LRRTM4: variants seen among roughly 807,000 people sequenced by gnomAD.
The protein encoded by LRRTM4 is leucine-rich repeat transmembrane neuronal protein 4.
Under a neutral mutation model 47.6 loss-of-function variants are expected in LRRTM4, and 25 were observed. That is an observed-to-expected ratio of 0.53 (90% CI 0.38 to 0.73). The LOEUF (loss-of-function observed/expected upper bound fraction) is 0.73. Ranked by LOEUF, LRRTM4 falls within the 30% of genes least tolerant of loss-of-function variation. The pLI, the probability that LRRTM4 is intolerant of heterozygous loss-of-function variation, is 0.00. For missense variants in LRRTM4, 638 were observed against 713.4 expected, an observed-to-expected ratio of 0.89 and a Z score of 1.20; for synonymous variants, 311 against 269.5, an observed-to-expected ratio of 1.15 and a Z score of -1.51.
Position 76,748,675 on chromosome 2 carries a change from G to A in LRRTM4, c.*20C>T, listed in dbSNP as rs981752955. 5 of 1,336,508 alleles carry A rather than the reference G, an allele frequency of 3.7e-6. No homozygotes were observed. The highest frequency in any genetic ancestry group is 5.3e-6 in the Non-Finnish European group (5 of 942,358). 82.8% of individuals were successfully genotyped at this position (1,336,508 alleles called of 1,614,324 possible). Reference sequence around the variant, plus strand: ...TCCCTCCCCCCCATGGAGCTCCCCAGTGAGGAGTTGGCTTCAGCGTTAGTT... The same window carrying A: ...TCCCTCCCCCCCATGGAGCTCCCCAATGAGGAGTTGGCTTCAGCGTTAGTT... On this transcript the variant is annotated 3_prime_UTR_variant, in exon 4 of 4. Transcript: ENST00000409884.
At chr2:77,147,491 C>CA (rs1342633243) in intron 3 of LRRTM4, among the ~76,000 whole-genome samples, 1 of 152,102 alleles carries the variant, frequency 6.6e-6, no homozygotes, top group South Asian at 2.1e-4. Flanking sequence ...TACATTATGC[C>CA]ATCACGTTTC....
chr2:77,115,544 G>A (rs1223870362), intron 3 of LRRTM4, among the ~76,000 whole-genome samples: 1 of 152,092 alleles, frequency 6.6e-6, no homozygotes, highest in African/African-American at 2.4e-5. Context: ...CACAATTTAT[G>A]TTCTTCTGCC....
intron 3 of LRRTM4, among the ~76,000 whole-genome samples, chr2:77,081,649 T>C (rs1164965604): frequency 6.6e-6 from 1 of 152,106 alleles, no homozygotes; most frequent in African/African-American, 2.4e-5. Context: ...AAGTTTGGGG[T>C]TCTATATATT....
At chr2:77,378,052 T>G (rs1672904802) in intron 3 of LRRTM4, among the ~76,000 whole-genome samples, 1 of 152,022 alleles carries the variant, frequency 6.6e-6, no homozygotes. Context: ...CAGACTTCTT[T>G]AATCATAATT....
In LRRTM4 at chr2:76,953,539, T is replaced by C. The variant is rs75636023; in HGVS notation, c.1552-204623A>G. Among the ~76,000 whole-genome samples the C allele has an allele frequency of 3.7e-3, 566 of 151,910 alleles. 1 individual carries two copies. The highest frequency in any genetic ancestry group is 0.013 in the African/African-American group (541 of 41,500). On this transcript the variant is annotated intron_variant, in intron 3 of 3. Coordinates refer to ENST00000409884, the MANE Select transcript of LRRTM4 (RefSeq NM_001134745.3). The stretch of plus-strand genomic sequence containing the variant: ...AAGAGTAGAACATACATCATATATT[T>C]CATCATTTTTGGGAAGCTGCCCAAG...
intron 3 of LRRTM4, among the ~76,000 whole-genome samples, chr2:77,212,080 C>A (rs183177466): frequency 6.6e-6 from 1 of 151,774 alleles, no homozygotes; most frequent in East Asian, 1.9e-4. Context: ...TCACAATGTA[C>A]GTTAAAATGT....
intron 3 of LRRTM4, among the ~76,000 whole-genome samples, chr2:76,901,271 A>G (rs190648602): frequency 2.6e-4 from 39 of 152,206 alleles, no homozygotes; most frequent in Admixed American, 2.4e-3. Flanking sequence ...CTCCTTGTTC[A>G]GCTCCAACTT....
intron 3 of LRRTM4, among the ~76,000 whole-genome samples, chr2:76,930,353 C>T (rs944903275): frequency 3.3e-5 from 5 of 152,258 alleles, no homozygotes; most frequent in South Asian, 2.1e-4. Context: ...CACACACACG[C>T]GATATGGTTA....
At chr2:77,420,488 G>A (rs1387194834) in intron 3 of LRRTM4, among the ~76,000 whole-genome samples, 1 of 151,972 alleles carries the variant, frequency 6.6e-6, no homozygotes, top group East Asian at 1.9e-4. Flanking sequence ...TAAAACAAAT[G>A]AGTGACTATG....
At chr2:76,968,826 G>A (rs1573382518) in intron 3 of LRRTM4, among the ~76,000 whole-genome samples, 1 of 151,774 alleles carries the variant, frequency 6.6e-6, no homozygotes, top group Non-Finnish European at 1.5e-5. Flanking sequence ...ATTTAAAGTG[G>A]ATCCCCCTTT....
chr2:77,496,362 G>T (rs965637803), intron 3 of LRRTM4, among the ~76,000 whole-genome samples: 1 of 151,706 alleles, frequency 6.6e-6, no homozygotes, highest in Admixed American at 6.6e-5. Context: ...ATTGTATAAT[G>T]TCATATAGGG....
chr2:77,070,413 T>C lies in LRRTM4; in HGVS notation c.1552-321497A>G, dbSNP rs1461309660. On this transcript the variant is annotated intron_variant, in intron 3 of 3. Coordinates refer to ENST00000409884, the MANE Select transcript of LRRTM4 (RefSeq NM_001134745.3). ...TTTCATGGATGTCACTCTCTCTATA[T>C]ATATATTTTAAAGATAAAACATAAA... Among the ~76,000 whole-genome samples, 3 of 152,126 alleles carry C rather than the reference T, an allele frequency of 2.0e-5. No homozygotes were observed. The East Asian group carries it at 5.8e-4, about 29-fold the overall frequency.
At chr2:76,902,777 C>G (rs967168035) in intron 3 of LRRTM4, among the ~76,000 whole-genome samples, 7 of 152,250 alleles carry the variant, frequency 4.6e-5, no homozygotes, top group Admixed American at 1.3e-4. Context: ...TCAAACTGCC[C>G]TAGTTTTAAA....
Position 76,801,673 on chromosome 2 carries a change from AAG to A in LRRTM4, c.1552-52759_1552-52758del, listed in dbSNP as rs552957675. Among the ~76,000 whole-genome samples, 351 of 152,150 alleles carry A rather than the reference AAG, an allele frequency of 2.3e-3. 5 individuals carry two copies. Among genetic ancestry groups the A allele is most frequent in the African/African-American group, 8.1e-3 (334 of 41,472 alleles). ...AAAACTTAAAGTATAATAAAAAAAAAAGAAAAGTACAGGTTAACATCCCTGGT... is the reference window on the plus strand; with the variant it reads ...AAAACTTAAAGTATAATAAAAAAAAAAAAAGTACAGGTTAACATCCCTGGT... On this transcript the variant is annotated intron_variant, in intron 3 of 3. Coordinates refer to ENST00000409884, the MANE Select transcript of LRRTM4 (RefSeq NM_001134745.3).
At chr2:77,345,036 T>C (rs1393891892) in intron 3 of LRRTM4, among the ~76,000 whole-genome samples, 1 of 151,142 alleles carries the variant, frequency 6.6e-6, no homozygotes, top group Admixed American at 6.6e-5. Flanking sequence ...ACTAAAATAA[T>C]ACTGTAATTA....
intron 3 of LRRTM4, among the ~76,000 whole-genome samples, chr2:77,264,986 T>C (rs1402975526): frequency 6.6e-6 from 1 of 152,128 alleles, no homozygotes; most frequent in Non-Finnish European, 1.5e-5. Context: ...CAACAGGATC[T>C]TGGAAATTAT....
intron 3 of LRRTM4, among the ~76,000 whole-genome samples, chr2:76,810,419 C>G (rs1306635851): frequency 6.6e-6 from 1 of 152,076 alleles, no homozygotes. Context: ...TTCTTATAAT[C>G]TTATCACACT....
At position 77,049,090 on chromosome 2, in the gene LRRTM4, TG is replaced by T. The variant is rs199994197; in HGVS notation, c.1552-300175del. On this transcript the variant is annotated intron_variant, in intron 3 of 3. Coordinates refer to ENST00000409884, the MANE Select transcript of LRRTM4 (RefSeq NM_001134745.3). ...ATCCGTGTTGCTGTGAATGACAGTT[TG>T]TTTTTTTTTGACTAAATAATATTTC... Among the ~76,000 whole-genome samples, 1,054 of 142,854 alleles carry T rather than the reference TG, an allele frequency of 7.4e-3. 7 individuals carry two copies. The highest frequency in any genetic ancestry group is 9.7e-3 in the Non-Finnish European group (635 of 65,596). The allele number at this position is 142,854 out of a possible 152,430, so 93.7% of individuals were successfully genotyped here.
At chr2:77,263,179 C>T (rs1675964248) in intron 3 of LRRTM4, among the ~76,000 whole-genome samples, 1 of 152,040 alleles carries the variant, frequency 6.6e-6, no homozygotes, top group African/African-American at 2.4e-5. Flanking sequence ...GGTTGCTGAA[C>T]ACATAGAGGT....
Sources: gnomAD v4.1 joint callset for allele counts (sites outside exome capture counted in the v4.1 genomes callset) on GRCh38, gnomAD v4.1.1 for gene constraint, MANE v1.5 for transcripts, NCBI Gene and HGNC (gene_info 2026-07-23, HGNC 2026-07-21) for gene names.